Variants in MIER1 observed in about 807,000 individuals in gnomAD.
MIER1 encodes the protein mesoderm induction early response protein 1.
In MIER1, 40 loss-of-function variants were observed where a neutral mutation model predicts 75.7. The observed-to-expected ratio is 0.53, with a 90% CI of 0.41 to 0.69. The LOEUF is 0.69. MIER1 is among the 30% of genes least tolerant of loss of function. MIER1 has a pLI of 0.00. For missense variants in MIER1, 574 were observed against 680.2 expected, an observed-to-expected ratio of 0.84 and a Z score of 1.74; for synonymous variants, 213 against 223.4, an observed-to-expected ratio of 0.95 and a Z score of 0.42.
chr1:66,956,133 T>C (rs1400027945), intron 4 of MIER1, among the ~76,000 whole-genome samples: 1 of 152,180 alleles, frequency 6.6e-6, no homozygotes, highest in African/African-American at 2.4e-5. Context: ...TATATAAAAC[T>C]AGCTTTAGGC....
rs116823347 is a variant in MIER1 at position 66,958,589 on chromosome 1, C to T, written c.502-262C>T. On this transcript the variant is annotated intron_variant, in intron 5 of 13. Transcript: ENST00000401041. ...TAAAAGGTTTAAAGTTAGTATAGAACGTTCCTGTATACTCTTACCTCAACT... is the reference window on the plus strand; with the variant it reads ...TAAAAGGTTTAAAGTTAGTATAGAATGTTCCTGTATACTCTTACCTCAACT... 2.9e-3 allele frequency among the ~76,000 whole-genome samples: 447 copies of T among 152,058 alleles called. 2 individuals are homozygous for T. The highest frequency in any genetic ancestry group is 0.011 in the African/African-American group (436 of 41,478).
intron 8 of MIER1, among the ~76,000 whole-genome samples, chr1:66,969,196 G>A (rs1363415672): frequency 9.2e-5 from 14 of 152,048 alleles, no homozygotes; most frequent in African/African-American, 7.2e-5. Context: ...GGGAAACAAG[G>A]GAAGATAGAA....
chr1:66,968,632 A>G (rs538582961), intron 8 of MIER1, among the ~76,000 whole-genome samples: 2 of 152,218 alleles, frequency 1.3e-5, no homozygotes, highest in South Asian at 4.1e-4. Context: ...TATATTCTTC[A>G]TTGGTTAGCA....
At chr1:66,971,026 C>G in intron 9 of MIER1, 67 bp downstream of exon 9, 1 of 1,422,780 alleles carries the variant, frequency 7.0e-7, no homozygotes, top group South Asian at 1.4e-5. Flanking sequence ...CTGTCACTTG[C>G]ATTGTTGTTA....
At chr1:66,949,568 CAATT>C (rs961551153) in intron 4 of MIER1, among the ~76,000 whole-genome samples, 19 of 152,278 alleles carry the variant, frequency 1.2e-4, no homozygotes, top group African/African-American at 4.6e-4. Flanking sequence ...CTCCCAGAAA[CAATT>C]AAAGCTTTAA....
intron 2 of MIER1, among the ~76,000 whole-genome samples, chr1:66,937,819 G>T (rs1202563656): frequency 1.3e-5 from 2 of 152,086 alleles, no homozygotes; most frequent in East Asian, 3.8e-4. Context: ...ACTCATCTTT[G>T]ATTTAATGGG....
At chr1:66,969,430 A>C (rs1663110990) in intron 8 of MIER1, among the ~76,000 whole-genome samples, 1 of 151,336 alleles carries the variant, frequency 6.6e-6, no homozygotes, top group African/African-American at 2.4e-5. Flanking sequence ...CTGTAGTCCC[A>C]GCTACTCTGG....
chr1:66,980,733 A>G (rs1013565975), intron 12 of MIER1, among the ~76,000 whole-genome samples: 1 of 152,010 alleles, frequency 6.6e-6, no homozygotes, highest in African/African-American at 2.4e-5. Flanking sequence ...CAACTTAGGT[A>G]CCAGTGGTGC....
chr1:66,950,823 G>A (rs1658759611), intron 4 of MIER1, among the ~76,000 whole-genome samples: 1 of 97,632 alleles, frequency 1.0e-5, no homozygotes, highest in South Asian at 4.5e-4. Context: ...CAAGAGATTG[G>A]TTACCTTAGG....
At chr1:66,957,648 TG>T (rs1476137478) in intron 4 of MIER1, among the ~76,000 whole-genome samples, 40 of 144,890 alleles carry the variant, frequency 2.8e-4, no homozygotes, top group Non-Finnish European at 3.3e-4. Flanking sequence ...TCTGCCTTTC[TG>T]GGTTTGTTAA....
chr1:66,966,555 A>G (rs1307291826), intron 8 of MIER1, among the ~76,000 whole-genome samples: 1 of 152,226 alleles, frequency 6.6e-6, no homozygotes, highest in Non-Finnish European at 1.5e-5. Context: ...ATGCCCAATA[A>G]TGGGATGGCT....
At chr1:66,963,369 A>G (rs1310576176) in intron 8 of MIER1, among the ~76,000 whole-genome samples, 1 of 152,202 alleles carries the variant, frequency 6.6e-6, no homozygotes, top group African/African-American at 2.4e-5. Flanking sequence ...GCCTAGCCAA[A>G]AAAGGAAAAA....
In MIER1 at chr1:66,937,017, AAAAG is replaced by A. The variant is rs1292162791; in HGVS notation, c.169-3009_169-3006del. Among the ~76,000 whole-genome samples the A allele has an allele frequency of 1.0e-3, 153 of 150,974 alleles. 2 individuals carry two copies. In the East Asian group the frequency reaches 0.028, roughly 27 times the overall value. On this transcript the variant is annotated intron_variant, in intron 2 of 13. Transcript: ENST00000401041. ...CCATCTCAAAAAAAAAAAAAAAAAAAAAAGAGAAAAAGAAAAAAGTGAGGGTGAA... is the reference window on the plus strand; with the variant it reads ...CCATCTCAAAAAAAAAAAAAAAAAAAAGAAAAAGAAAAAAGTGAGGGTGAA...
chr1:66,979,255 C>G (rs898226621), intron 12 of MIER1, among the ~76,000 whole-genome samples: 2 of 152,172 alleles, frequency 1.3e-5, no homozygotes, highest in Non-Finnish European at 2.9e-5. Context: ...ATTACCATCT[C>G]TTTCTGTTAA....
rs1663487739 is a variant in MIER1, at chr1:66,971,026, C to T, written c.924+67C>T. On this transcript the variant is annotated intron_variant, in intron 9 of 13. Transcript: ENST00000401041. ...TTATACATGTAAATGCTGTCACTTG[C>T]ATTGTTGTTATTCTGTCCACCAAAC... 9 of 1,422,780 alleles carry T rather than the reference C, an allele frequency of 6.3e-6. No individual in the cohort carries two copies. The South Asian group carries it at 7.1e-5, about 11-fold the overall frequency. The allele number at this position is 1,422,780 out of a possible 1,614,324, so 88.1% of individuals were successfully genotyped here.
At chr1:66,980,420 T>G (rs1446436976) in intron 12 of MIER1, among the ~76,000 whole-genome samples, 1 of 152,220 alleles carries the variant, frequency 6.6e-6, no homozygotes, top group Non-Finnish European at 1.5e-5. Flanking sequence ...GTTTTATACC[T>G]CAGACTATTA....
In MIER1 at chr1:66,964,734, G is replaced by A. The variant is rs561837349; in HGVS notation, c.772+1574G>A. ...CCTAAAGTGCTGGGATTATAGGCATGAGCCACTGCACCTGGCCGTATGTGT... is the reference window on the plus strand; with the variant it reads ...CCTAAAGTGCTGGGATTATAGGCATAAGCCACTGCACCTGGCCGTATGTGT... On this transcript the variant is annotated intron_variant, in intron 8 of 13. Coordinates refer to ENST00000401041, the MANE Select transcript of MIER1 (RefSeq NM_001077700.3). Among the ~76,000 whole-genome samples, 46 of 152,256 alleles carry A rather than the reference G, an allele frequency of 3.0e-4. No homozygotes were observed. The South Asian group carries it at 7.5e-3, about 25-fold the overall frequency.
chr1:66,984,483 T>G, intron 13 of MIER1, 89 bp from the exon 14 acceptor site: 1 of 970,694 alleles, frequency 1.0e-6, no homozygotes, highest in African/African-American at 1.6e-5. Context: ...CTTGCTTCCT[T>G]GATAACAATA....
In MIER1 at chr1:66,971,762, A is replaced by G. The variant is rs370576084; in HGVS notation, c.1006+26A>G. The G allele has an allele frequency of 8.4e-5, 103 of 1,228,008 alleles. No homozygotes were observed. In the East Asian group the frequency reaches 1.1e-3, roughly 13 times the overall value. 76.1% of individuals were successfully genotyped at this position (1,228,008 alleles called of 1,614,324 possible). On this transcript the variant is annotated intron_variant, in intron 10 of 13. Coordinates refer to ENST00000401041, the MANE Select transcript of MIER1 (RefSeq NM_001077700.3). ...GTAAGTATAGTTTTTATTCATTTTC[A>G]TGATTTGGCAGAAATTTTAAAATTA...
Sources: gnomAD v4.1 joint callset for allele counts (sites outside exome capture counted in the v4.1 genomes callset) on GRCh38, gnomAD v4.1.1 for gene constraint, MANE v1.5 for transcripts, NCBI Gene and HGNC (gene_info 2026-07-23, HGNC 2026-07-21) for gene names.